The following FLYWCH2 variants were observed in gnomAD, a reference collection of about 807,000 sequenced individuals.
The protein encoded by FLYWCH2 is FLYWCH family member 2.
FLYWCH2 carries 2 observed loss-of-function variants against 6.0 expected under a neutral mutation model. The ratio of observed to expected loss-of-function variants is 0.33; its 90% CI spans 0.14 to 1.04. The LOEUF is 1.04. Ranked by LOEUF, FLYWCH2 falls within the 50% of genes least tolerant of loss-of-function variation. The pLI, the probability that FLYWCH2 is intolerant of heterozygous loss-of-function variation, is 0.45. For missense variants in FLYWCH2, 192 were observed against 183.4 expected (o/e 1.05, Z -0.27); for synonymous variants, 87 against 79.3 (o/e 1.10, Z -0.52).
intron 1 of FLYWCH2, among the ~76,000 whole-genome samples, chr16:2,884,900 C>T (rs1053341994): frequency 1.3e-5 from 2 of 151,424 alleles, no homozygotes; most frequent in East Asian, 2.0e-4. Context: ...AAAAAAACTC[C>T]GGGTGATTCT....
At chr16:2,897,104 A>G (rs2069832273) in intron 3 of FLYWCH2, among the ~76,000 whole-genome samples, 1 of 152,146 alleles carries the variant, frequency 6.6e-6, no homozygotes, top group Admixed American at 6.5e-5. Context: ...CAGCTGTTCG[A>G]TGAGGGTCTC....
intron 3 of FLYWCH2, among the ~76,000 whole-genome samples, chr16:2,897,571 C>T (rs1484378642): frequency 6.6e-6 from 1 of 152,230 alleles, no homozygotes; most frequent in Non-Finnish European, 1.5e-5. Flanking sequence ...CTAGACCTTT[C>T]AGCTAGACTT....
chr16:2,895,812 C>T (rs930977427), intron 2 of FLYWCH2, among the ~76,000 whole-genome samples: 1 of 152,342 alleles, frequency 6.6e-6, no homozygotes, highest in East Asian at 1.9e-4. Context: ...AGCTCTGATG[C>T]TTGGTGCCCA....
chr16:2,896,224 AG>A (rs2069817638), intron 2 of FLYWCH2, 127 bp from the exon 3 acceptor site: 2 of 563,384 alleles, frequency 3.5e-6, no homozygotes, highest in Admixed American at 3.2e-5. Context: ...TAGTTCCATC[AG>A]GCCCCCTGTC....
rs534799975 is a variant in FLYWCH2, at chr16:2,887,533, T to C, written c.-200+4167T>C. Among the ~76,000 whole-genome samples the C allele has an allele frequency of 2.0e-5, 3 of 151,982 alleles. No individual in the cohort carries two copies. In the South Asian group the frequency reaches 6.2e-4, roughly 32 times the overall value. On this transcript the variant is annotated intron_variant, in intron 1 of 3. Transcript: ENST00000396958. ...TACAACTTCATTCTTTTGTATTGGATATTCAGTGGTCCTAGCATTTAATGT... is the reference window on the plus strand; with the variant it reads ...TACAACTTCATTCTTTTGTATTGGACATTCAGTGGTCCTAGCATTTAATGT...
chr16:2,894,693 C>T (rs1596338727), intron 1 of FLYWCH2, among the ~76,000 whole-genome samples: 2 of 152,224 alleles, frequency 1.3e-5, no homozygotes, highest in African/African-American at 4.8e-5. Flanking sequence ...CTTCAAGTGC[C>T]CACCCCCTCG....
chr16:2,887,613 C>G (rs1263371994), intron 1 of FLYWCH2, among the ~76,000 whole-genome samples: 1 of 151,692 alleles, frequency 6.6e-6, no homozygotes, highest in Non-Finnish European at 1.5e-5. Context: ...CTCTGTCACC[C>G]AGGCTGAGGT....
chr16:2,892,100 G>C (rs772793085), intron 1 of FLYWCH2, among the ~76,000 whole-genome samples: 1 of 152,110 alleles, frequency 6.6e-6, no homozygotes, highest in African/African-American at 2.4e-5. Flanking sequence ...GCTGAGGCAG[G>C]AGAATTGCTT....
chr16:2,897,238 G>C (rs907086042), intron 3 of FLYWCH2, among the ~76,000 whole-genome samples: 3 of 152,152 alleles, frequency 2.0e-5, no homozygotes, highest in Non-Finnish European at 2.9e-5. Context: ...GGGCTCTGGA[G>C]ACTCGAGTCA....
chr16:2,894,519 C>T (rs903653327), intron 1 of FLYWCH2, among the ~76,000 whole-genome samples: 1 of 152,176 alleles, frequency 6.6e-6, no homozygotes, highest in Non-Finnish European at 1.5e-5. Context: ...CCCAGAGTGG[C>T]CCCCAGGTCC....
chr16:2,888,395 T>G (rs1178325217), intron 1 of FLYWCH2, among the ~76,000 whole-genome samples: 1 of 150,626 alleles, frequency 6.6e-6, no homozygotes, highest in Non-Finnish European at 1.5e-5. Context: ...GTGTCAGTCC[T>G]GCAAGTTTTT....
chr16:2,896,809 C>T lies in FLYWCH2; in HGVS notation c.322+38C>T, dbSNP rs766533336. The T allele has an allele frequency of 1.6e-5, 25 of 1,577,888 alleles. No individual in the cohort carries two copies. The African/African-American group carries it at 2.3e-4, about 14-fold the overall frequency. On this transcript the variant is annotated intron_variant, in intron 3 of 3. Transcript: ENST00000396958. ...AGCGGCCCCCCAGGACAGCTCGGCACCTCCCAGGGTGGCCCCCACAGCCGC... is the reference window on the plus strand; with the variant it reads ...AGCGGCCCCCCAGGACAGCTCGGCATCTCCCAGGGTGGCCCCCACAGCCGC...
At chr16:2,883,475 C>T (rs2069663373) in intron 1 of FLYWCH2, 109 bp downstream of exon 1, 1 of 152,610 alleles carries the variant, frequency 6.6e-6, no homozygotes, top group African/African-American at 2.4e-5. Context: ...GAGGAGGGGT[C>T]CGCGTCCTGG....
chr16:2,889,985 T>C (rs1439947190), intron 1 of FLYWCH2, among the ~76,000 whole-genome samples: 1 of 152,098 alleles, frequency 6.6e-6, no homozygotes, highest in Non-Finnish European at 1.5e-5. Context: ...CTTGGGAAGC[T>C]GAGGTGGGAG....
At chr16:2,897,819 G>A (rs1026135081) in intron 3 of FLYWCH2, among the ~76,000 whole-genome samples, 1 of 152,224 alleles carries the variant, frequency 6.6e-6, no homozygotes, top group Non-Finnish European at 1.5e-5. Context: ...CTTTTGAACT[G>A]GAAGTTCCAG....
chr16:2,885,504 G>T (rs1181720251), intron 1 of FLYWCH2, among the ~76,000 whole-genome samples: 1 of 151,956 alleles, frequency 6.6e-6, no homozygotes, highest in Non-Finnish European at 1.5e-5. Context: ...ACAAATCTAC[G>T]TTCTGTCTCC....
intron 2 of FLYWCH2, among the ~76,000 whole-genome samples, chr16:2,896,020 A>G (rs545344346): frequency 1.3e-5 from 2 of 152,364 alleles, no homozygotes; most frequent in African/African-American, 4.8e-5. Flanking sequence ...AACAGTCCTC[A>G]GGGTGGAAAC....
intron 1 of FLYWCH2, among the ~76,000 whole-genome samples, chr16:2,891,248 A>G (rs185018453): frequency 1.3e-4 from 20 of 152,304 alleles, no homozygotes; most frequent in African/African-American, 4.6e-4. Context: ...GTTGGGTAGC[A>G]GTAATAGAGG....
At chr16:2,897,031 G>T (rs1232540348) in intron 3 of FLYWCH2, 1 of 562,484 alleles carries the variant, frequency 1.8e-6, no homozygotes, top group East Asian at 3.1e-5. Context: ...CCTTCACAAG[G>T]GAGGGTCTGA....
Sources: gnomAD v4.1 joint callset for allele counts (sites outside exome capture counted in the v4.1 genomes callset) on GRCh38, gnomAD v4.1.1 for gene constraint, MANE v1.5 for transcripts, NCBI Gene and HGNC (gene_info 2026-07-23, HGNC 2026-07-21) for gene names.